Variants in SLC7A7 observed in about 807,000 individuals in gnomAD.
SLC7A7 encodes the protein solute carrier family 7 member 7.
Under a neutral mutation model 47.9 loss-of-function variants are expected in SLC7A7, and 39 were observed. The ratio of observed to expected loss-of-function variants is 0.81; its 90% CI spans 0.63 to 1.06. The LOEUF is 1.06. Among genes scored for constraint, SLC7A7 ranks in the 50% least tolerant of loss-of-function variants. The pLI, the probability that SLC7A7 is intolerant of heterozygous loss-of-function variation, is 0.00. For missense variants in SLC7A7, 588 were observed against 632.0 expected (o/e 0.93, Z 0.75); for synonymous variants, 234 against 242.8 (o/e 0.96, Z 0.34).
In SLC7A7 at chr14:22,776,277, G is replaced by C; in HGVS notation, c.812C>G (p.Thr271Ser). ...CACATTGGTCAAGATATAGATGATG[G>C]TGACAATGGGCATGGAGATGCCAAT... The part of the protein sequence containing the change: ...LSIGISMPIV[T>S]IIYILTNVAY... The change falls in exon 5 of 10, where the codon ACC becomes AGC. Residue 271 changes from threonine to serine, a missense_variant. Transcript: ENST00000674313. The C allele has an allele frequency of 6.2e-7, 1 of 1,614,202 alleles. No homozygotes were observed. The highest frequency in any genetic ancestry group is 1.7e-5 in the Admixed American group (1 of 60,026).
chr14:22,775,734 C>G, intron 6 of SLC7A7, 99 bp downstream of exon 6: 1 of 979,716 alleles, frequency 1.0e-6, no homozygotes, highest in South Asian at 1.3e-5. Context: ...GTTGTGGTAT[C>G]GGTTGGAGAA....
At chr14:22,812,857 G>C (rs772020761) in intron 2 of SLC7A7, 43 bp downstream of exon 2, 1 of 1,595,494 alleles carries the variant, frequency 6.3e-7, no homozygotes, top group Non-Finnish European at 8.5e-7. Flanking sequence ...CCCAGCCTCT[G>C]TCCAGCCCTC....
In SLC7A7 at chr14:22,774,134, A is replaced by G. The variant is rs11568427; in HGVS notation, c.1246-18T>C. 2.5e-5 allele frequency: 40 copies of G among 1,613,974 alleles called. No homozygotes were observed. In the South Asian group the frequency reaches 2.7e-4, roughly 11 times the overall value. Reference sequence around the variant, plus strand: ...ACGCTGAGCTAAGGGCACAGGAAACATAACTGGAGTGGACAACTCAGGATT... The same window carrying G: ...ACGCTGAGCTAAGGGCACAGGAAACGTAACTGGAGTGGACAACTCAGGATT... On this transcript the variant is annotated intron_variant, in intron 8 of 9. Coordinates refer to ENST00000674313, the MANE Select transcript of SLC7A7 (RefSeq NM_003982.4).
At position 22,776,224 on chromosome 14, in the gene SLC7A7, C is replaced by T. The variant is rs766337498; in HGVS notation, c.865G>A (p.Asp289Asn). The T allele has an allele frequency of 6.2e-7, 1 of 1,614,214 alleles. No individual in the cohort carries two copies. Among genetic ancestry groups the T allele is most frequent in the South Asian group, 1.1e-5 (1 of 91,092 alleles). The change falls in exon 5 of 10, where the codon GAC becomes AAC. Residue 289 changes from aspartate to asparagine, a missense_variant. Physicochemically the swap from Asp to Asn is conservative, Grantham distance 23 (BLOSUM62 1). Transcript: ENST00000674313. The part of the protein sequence containing the change: ...VAYYTVLDMR[D>N]ILASDAVAVT... ...GCAACAGCATCACTGGCCAAGATGTCTCTCATGTCTAGCACAGTATAATAG... is the reference window on the plus strand; with the variant it reads ...GCAACAGCATCACTGGCCAAGATGTTTCTCATGTCTAGCACAGTATAATAG...
upstream of SLC7A7, among the ~76,000 whole-genome samples, chr14:22,818,116 AAAAG>A (rs1327205304): frequency 6.6e-6 from 1 of 152,142 alleles, no homozygotes; most frequent in African/African-American, 2.4e-5. Context: ...AATATGACGT[AAAAG>A]AAAGGAAGGA....
At chr14:22,788,078 A>AC (rs1271077919) in intron 2 of SLC7A7, among the ~76,000 whole-genome samples, 2 of 152,190 alleles carry the variant, frequency 1.3e-5, no homozygotes, top group Non-Finnish European at 2.9e-5. Context: ...GTCTCAAAAA[A>AC]AAAAAAATTA....
chr14:22,793,066 G>A (rs992958627), intron 2 of SLC7A7, among the ~76,000 whole-genome samples: 2 of 151,422 alleles, frequency 1.3e-5, no homozygotes, highest in Non-Finnish European at 2.9e-5. Flanking sequence ...ACAGGCGCCC[G>A]CCACCAAGCC....
intron 2 of SLC7A7, among the ~76,000 whole-genome samples, chr14:22,798,428 AC>A (rs1335364865): frequency 6.6e-6 from 1 of 152,218 alleles, no homozygotes; most frequent in Non-Finnish European, 1.5e-5. Context: ...ACCACCATGC[AC>A]CAGTGCCTTC....
At chr14:22,810,671 A>T (rs1013385809) in intron 2 of SLC7A7, among the ~76,000 whole-genome samples, 2 of 152,088 alleles carry the variant, frequency 1.3e-5, no homozygotes, top group African/African-American at 2.4e-5. Flanking sequence ...GAGAAATCAC[A>T]GATCATATTT....
intron 7 of SLC7A7, among the ~76,000 whole-genome samples, chr14:22,775,036 A>T (rs532701577): frequency 6.6e-6 from 1 of 152,228 alleles, no homozygotes; most frequent in African/African-American, 2.4e-5. Context: ...TACCATTTGC[A>T]ACCCTAGCCA....
intron 2 of SLC7A7, among the ~76,000 whole-genome samples, chr14:22,788,889 G>C (rs2038874068): frequency 6.6e-6 from 1 of 152,074 alleles, no homozygotes; most frequent in African/African-American, 2.4e-5. Context: ...GTGGGGTGGA[G>C]AGGCAGGGAC....
At chr14:22,802,778 G>A (rs1003198475) in intron 2 of SLC7A7, among the ~76,000 whole-genome samples, 1 of 152,042 alleles carries the variant, frequency 6.6e-6, no homozygotes, top group Non-Finnish European at 1.5e-5. Flanking sequence ...CCTGTTTAAA[G>A]TCCTTTAATG....
Position 22,780,016 on chromosome 14 carries a change from A to G in SLC7A7, c.535T>C (p.Trp179Arg), listed in dbSNP as rs373219083. 28 of 1,614,018 alleles carry G rather than the reference A, an allele frequency of 1.7e-5. No homozygotes were observed. Among genetic ancestry groups the G allele is most frequent in the Non-Finnish European group, 2.0e-5 (24 of 1,180,016 alleles). ...AAAATATCTTGTACCAGGGTTCCCC[A>G]TTTGACATAGGCACAGTTAATGAAG... Reference protein sequence around the residue: ...LTFINCAYVKWGTLVQDIFTY... With the variant: ...LTFINCAYVKRGTLVQDIFTY... The change falls in exon 3 of 10, where the codon TGG (tryptophan) becomes CGG (arginine). Residue 179 changes from tryptophan to arginine, a missense_variant. Trp to Arg is a moderately radical substitution (Grantham distance 101). Transcript: ENST00000674313.
At chr14:22,807,678 A>G (rs911373614) in intron 2 of SLC7A7, among the ~76,000 whole-genome samples, 1 of 152,094 alleles carries the variant, frequency 6.6e-6, no homozygotes, top group Non-Finnish European at 1.5e-5. Flanking sequence ...CCCACCCCAC[A>G]TTCCAACCAT....
upstream of SLC7A7, among the ~76,000 whole-genome samples, chr14:22,819,019 G>C (rs1191680204): frequency 6.6e-6 from 1 of 152,160 alleles, no homozygotes; most frequent in African/African-American, 2.4e-5. Flanking sequence ...CCTACAGCTT[G>C]TGGAAGAAAT....
chr14:22,778,601 G>A (rs543201630), intron 4 of SLC7A7, among the ~76,000 whole-genome samples, 192 bp downstream of exon 4: 1 of 152,288 alleles, frequency 6.6e-6, no homozygotes, highest in East Asian at 1.9e-4. Flanking sequence ...GCATACATGA[G>A]TAAGTTCATA....
intron 6 of SLC7A7, 135 bp downstream of exon 6, chr14:22,775,698 C>A (rs2139387556): frequency 1.1e-6 from 1 of 917,618 alleles, no homozygotes; most frequent in Non-Finnish European, 1.8e-6. Flanking sequence ...CAACTGCAGG[C>A]TTCTGCTAGA....
chr14:22,813,051 A>T lies in SLC7A7; in HGVS notation c.348T>A (p.Ala116=), dbSNP rs1233561589. The T allele has an allele frequency of 6.2e-7, 1 of 1,614,046 alleles. No individual in the cohort carries two copies. The highest frequency in any genetic ancestry group is 1.3e-5 in the African/African-American group (1 of 74,914). The change falls in exon 2 of 10, where the codon GCT becomes GCA. Residue 116 remains alanine (A), a synonymous_variant. Coordinates refer to ENST00000674313, the MANE Select transcript of SLC7A7 (RefSeq NM_003982.4). The part of the protein sequence containing the change: ...YILEAFGGFL[A]FIRLWTSLLI... ...GCAGGGAGGTCCAGAGTCTGATGAA[A>T]GCAAGGAATCCTCCAAAGGCCTCCA...
intron 2 of SLC7A7, among the ~76,000 whole-genome samples, chr14:22,802,464 T>G (rs1392406954): frequency 6.6e-6 from 1 of 152,130 alleles, no homozygotes; most frequent in East Asian, 1.9e-4. Context: ...GCTTCTCTGT[T>G]TCCTTGCTGG....
Sources: gnomAD v4.1 joint callset for allele counts (sites outside exome capture counted in the v4.1 genomes callset) on GRCh38, gnomAD v4.1.1 for gene constraint, MANE v1.5 for transcripts, NCBI Gene and HGNC (gene_info 2026-07-23, HGNC 2026-07-21) for gene names.